Variants in IQCE observed in about 807,000 individuals in gnomAD.
The protein encoded by IQCE is IQ motif containing E.
A neutral mutation model predicts 96.0 loss-of-function variants in IQCE; 115 were observed. The observed-to-expected ratio is 1.20, with a 90% CI of 1.03 to 1.40. The LOEUF (loss-of-function observed/expected upper bound fraction) is 1.40, where lower values mean the gene tolerates loss of function less well. Among genes scored for constraint, IQCE ranks in the 40% most tolerant of loss-of-function variants. The pLI is 0.00. For missense variants in IQCE, 1,041 were observed against 909.1 expected (o/e 1.15, Z -1.87); for synonymous variants, 412 against 371.2 (o/e 1.11, Z -1.26).
At chr7:2,562,445 T>G (rs1781035952) in intron 1 of IQCE, among the ~76,000 whole-genome samples, 1 of 152,094 alleles carries the variant, frequency 6.6e-6, no homozygotes, top group Non-Finnish European at 1.5e-5. Context: ...ATAGAATGAA[T>G]TGGGAAGCAT....
intron 8 of IQCE, among the ~76,000 whole-genome samples, chr7:2,579,286 C>T (rs904825094): frequency 6.6e-6 from 1 of 151,814 alleles, no homozygotes; most frequent in African/African-American, 2.4e-5. Flanking sequence ...GGAAGAAAAC[C>T]GAAAGGGATA....
intron 3 of IQCE, 35 bp from the exon 4 acceptor site, chr7:2,571,491 C>T: frequency 1.2e-6 from 2 of 1,603,718 alleles, no homozygotes; most frequent in Non-Finnish European, 1.7e-6. Flanking sequence ...ATGTTGCTGT[C>T]CGGCACCTCT....
chr7:2,599,491 C>T (rs982722950), intron 17 of IQCE, among the ~76,000 whole-genome samples: 2 of 151,862 alleles, frequency 1.3e-5, no homozygotes, highest in African/African-American at 2.4e-5. Context: ...CTACCACACC[C>T]GGCCTTTTTT....
chr7:2,598,642 C>T lies in IQCE; in HGVS notation c.1608+10C>T. Reference sequence around the variant, plus strand: ...GGTGTACAAGCACAAGGTGAGGCTCCCCGGGGCGACCCGGGCTGCTCCCTG... The same window carrying T: ...GGTGTACAAGCACAAGGTGAGGCTCTCCGGGGCGACCCGGGCTGCTCCCTG... On this transcript the variant is annotated intron_variant, in intron 17 of 21. Transcript: ENST00000402050. 6.6e-7 allele frequency: 1 copy of T among 1,509,982 alleles called. No individual in the cohort carries two copies. Among genetic ancestry groups the T allele is most frequent in the Non-Finnish European group, 8.9e-7 (1 of 1,128,320 alleles). 93.5% of individuals were successfully genotyped at this position (1,509,982 alleles called of 1,614,324 possible). A position where few individuals can be genotyped will look rare whatever the true frequency, so the allele number is the denominator to read the frequency against.
chr7:2,566,373 A>G (rs1331186006), intron 1 of IQCE, among the ~76,000 whole-genome samples: 4 of 150,192 alleles, frequency 2.7e-5, no homozygotes, highest in African/African-American at 7.4e-5. Flanking sequence ...GGACAAAGTC[A>G]CTGGAATAAG....
intron 14 of IQCE, among the ~76,000 whole-genome samples, chr7:2,592,097 T>C (rs1238011383): frequency 6.6e-6 from 1 of 152,006 alleles, no homozygotes; most frequent in Non-Finnish European, 1.5e-5. Context: ...CTACAGGTGA[T>C]CTGTGTGTAC....
At position 2,612,333 on chromosome 7, in the gene IQCE, T is replaced by A. The variant is rs1562692641; in HGVS notation, c.*2171T>A. 1 of 152,392 alleles carries A rather than the reference T, an allele frequency of 6.6e-6. No homozygotes were observed. The highest frequency in any genetic ancestry group is 1.5e-5 in the Non-Finnish European group (1 of 68,160). The allele number at this position is 152,392 out of a possible 1,614,324, so 9.4% of individuals were successfully genotyped here. A position where few individuals can be genotyped will look rare whatever the true frequency, so the allele number is the denominator to read the frequency against. ...TCTTCAGCTGATGCCCAGTGTCCAG[T>A]GCTGGTCACCAGTCCCCTTTGCTGG... On this transcript the variant is annotated 3_prime_UTR_variant, in exon 22 of 22. Coordinates refer to ENST00000402050, the MANE Select transcript of IQCE (RefSeq NM_152558.5).
chr7:2,567,297 C>A, intron 2 of IQCE, 134 bp downstream of exon 2: 1 of 738,240 alleles, frequency 1.4e-6, no homozygotes, highest in East Asian at 2.7e-5. Context: ...CCGAATGCTC[C>A]TTGGTGTTTG....
rs1781754599 is a variant in IQCE, at chr7:2,571,543, A to C, written c.148A>C (p.Lys50Gln). 1.2e-6 allele frequency: 2 copies of C among 1,606,060 alleles called. No homozygotes were observed. Among genetic ancestry groups the C allele is most frequent in the Admixed American group, 1.7e-5 (1 of 59,996 alleles). ...TTTTCCAGAGTCACCTTATCTCTCTAAGCCGAGAAAAGTGGCCTCCTGGAG... is the reference window on the plus strand; with the variant it reads ...TTTTCCAGAGTCACCTTATCTCTCTCAGCCGAGAAAAGTGGCCTCCTGGAG... ...PTSPKSPYLS[K>Q]PRKVASWRSL... Residue 50 changes from lysine to glutamine, a missense_variant, in exon 4 of 22, where the codon AAG becomes CAG. By Grantham distance (53) the Lys-to-Gln change is moderately conservative (BLOSUM62 1). Transcript: ENST00000402050.
At chr7:2,602,090 CG>C (rs146421921) in intron 18 of IQCE, 8,975 of 154,852 alleles carry the variant, frequency 0.058, 375 homozygotes, top group Non-Finnish European at 0.08. Flanking sequence ...GGTTACAGCC[CG>C]GGGTGGCGCT....
At chr7:2,566,202 A>T (rs1186248790) in intron 1 of IQCE, among the ~76,000 whole-genome samples, 1 of 151,926 alleles carries the variant, frequency 6.6e-6, no homozygotes, top group Non-Finnish European at 1.5e-5. Flanking sequence ...TGATCTTCCG[A>T]GGGACTTTAA....
At chr7:2,559,436 C>A in intron 1 of IQCE, 2 of 289,916 alleles carry the variant, frequency 6.9e-6, no homozygotes, top group East Asian at 5.7e-5. Context: ...CAGAGGCCGC[C>A]GCTTCCAGGA....
At chr7:2,561,575 C>G (rs189422277) in intron 1 of IQCE, among the ~76,000 whole-genome samples, 1,631 of 152,164 alleles carry the variant, frequency 0.011, 20 homozygotes, top group African/African-American at 0.037. Context: ...CGCCCGCCAC[C>G]ATGCCCGGCT....
At position 2,571,550 on chromosome 7, in the gene IQCE, GA is replaced by G; in HGVS notation, c.159del (p.Val54TrpfsTer21). 1 of 1,606,286 alleles carries G rather than the reference GA, an allele frequency of 6.2e-7. No homozygotes were observed. ...GAGTCACCTTATCTCTCTAAGCCGAGAAAAGTGGCCTCCTGGAGGTCCCTCA... is the reference window on the plus strand; with the variant it reads ...GAGTCACCTTATCTCTCTAAGCCGAGAAAGTGGCCTCCTGGAGGTCCCTCA... ...SPKSPYLSKP[R>X]KVASWRSLRT... On this transcript the variant is annotated frameshift_variant, in exon 4 of 22. Coordinates refer to ENST00000402050, the MANE Select transcript of IQCE (RefSeq NM_152558.5). LOFTEE classifies it high-confidence loss of function.
chr7:2,578,515 G>C lies in IQCE; in HGVS notation c.619G>C (p.Asp207His), dbSNP rs764467415. 2 of 1,614,180 alleles carry C rather than the reference G, an allele frequency of 1.2e-6. No homozygotes were observed. The highest frequency in any genetic ancestry group is 1.7e-6 in the Non-Finnish European group (2 of 1,180,024). ...TCGGACTCTGGCAGAGAAAAGGCCC[G>C]ATGCCAGTTGGGTGAGTATGGTGTG... ...FVRTLAEKRP[D>H]ASWVINGLKQ... Residue 207 changes from aspartate to histidine, a missense_variant, in exon 8 of 22, where the codon GAT becomes CAT. Transcript: ENST00000402050.
At chr7:2,596,721 ATTT>A (rs1784067637) in intron 16 of IQCE, among the ~76,000 whole-genome samples, 1 of 152,170 alleles carries the variant, frequency 6.6e-6, no homozygotes, top group South Asian at 2.1e-4. Context: ...GGAGAAGCTG[ATTT>A]TCCTTTCTGA....
Position 2,597,159 on chromosome 7 carries a change from G to A in IQCE, c.1441-1306G>A, listed in dbSNP as rs551924373. Reference sequence around the variant, plus strand: ...TGAGGTGAGCCGGCTGGTTAGGGCCGGCGGGCTGGAAGCTTGAAGAATTTC... The same window carrying A: ...TGAGGTGAGCCGGCTGGTTAGGGCCAGCGGGCTGGAAGCTTGAAGAATTTC... On this transcript the variant is annotated intron_variant, in intron 16 of 21. Transcript: ENST00000402050. 6.8e-4 allele frequency: 318 copies of A among 466,664 alleles called. 1 individual carries two copies. Among genetic ancestry groups the A allele is most frequent in the Non-Finnish European group, 9.5e-4 (213 of 225,012 alleles). 28.9% of individuals were successfully genotyped at this position (466,664 alleles called of 1,614,324 possible).
chr7:2,603,732 G>A (rs541927487), intron 18 of IQCE, among the ~76,000 whole-genome samples: 3 of 152,292 alleles, frequency 2.0e-5, no homozygotes, highest in Middle Eastern at 3.4e-3. Context: ...AATAGCCGGC[G>A]CTGCCTCGCC....
At chr7:2,574,721 C>T (rs1161988750) in intron 6 of IQCE, among the ~76,000 whole-genome samples, 1 of 152,182 alleles carries the variant, frequency 6.6e-6, no homozygotes, top group Admixed American at 6.5e-5. Flanking sequence ...TTTTTTCAGC[C>T]TTGCCCTCTT....
Sources: gnomAD v4.1 joint callset for allele counts (sites outside exome capture counted in the v4.1 genomes callset) on GRCh38, gnomAD v4.1.1 for gene constraint, MANE v1.5 for transcripts, NCBI Gene and HGNC (gene_info 2026-07-23, HGNC 2026-07-21) for gene names.